Variants in CATSPERG observed in about 807,000 individuals in gnomAD.
CATSPERG encodes the protein catsper channel auxiliary subunit gamma, also known as cation channel sperm-associated auxiliary subunit gamma.
Under a neutral mutation model 145.0 loss-of-function variants are expected in CATSPERG, and 115 were observed. The observed-to-expected ratio is 0.79, with a 90% CI of 0.68 to 0.93. The LOEUF is 0.93. Ranked by LOEUF, CATSPERG falls within the 40% of genes least tolerant of loss-of-function variation. The pLI is 0.00. For synonymous variants in CATSPERG, 588 were observed against 589.0 expected (o/e 1.00, Z 0.02); for missense variants, 1,296 against 1,490.1 (o/e 0.87, Z 2.14).
Position 38,343,565 on chromosome 19 carries a change from C to A in CATSPERG, c.325-15C>A. On this transcript the variant is annotated splice_polypyrimidine_tract_variant and intron_variant, in intron 3 of 28. Coordinates refer to ENST00000409235, the MANE Select transcript of CATSPERG (RefSeq NM_021185.5). ...CTACCATAAGGACACACTTGTGGGG[C>A]CATCTCACCCTCAGCCCTCTGAGGA... The A allele has an allele frequency of 6.5e-7, 1 of 1,536,600 alleles. No individual in the cohort carries two copies. The highest frequency in any genetic ancestry group is 1.2e-5 in the South Asian group (1 of 82,220).
chr19:38,350,187 G>T (rs1339096056), intron 7 of CATSPERG, among the ~76,000 whole-genome samples: 1 of 152,156 alleles, frequency 6.6e-6, no homozygotes, highest in African/African-American at 2.4e-5. Context: ...AACTGCAAGG[G>T]ACACTGGGTG....
At chr19:38,360,148 AGAGT>A (rs1970318772) in intron 14 of CATSPERG, 1 of 985,246 alleles carries the variant, frequency 1.0e-6, no homozygotes, top group African/African-American at 1.7e-5. Flanking sequence ...GAAGCTGCAA[AGAGT>A]GAGAAGAAAA....
chr19:38,343,287 C>A (rs1322275996), intron 3 of CATSPERG, among the ~76,000 whole-genome samples: 1 of 152,106 alleles, frequency 6.6e-6, no homozygotes, highest in Non-Finnish European at 1.5e-5. Flanking sequence ...CCCATGCTGC[C>A]CTTCCCTATG....
intron 23 of CATSPERG, 87 bp from the exon 24 acceptor site, chr19:38,367,422 G>T: frequency 6.4e-7 from 1 of 1,554,168 alleles, no homozygotes; most frequent in Non-Finnish European, 8.8e-7. Context: ...TTTTTCCTGC[G>T]GCATCTCACT....
Position 38,365,048 on chromosome 19 carries a change from C to T in CATSPERG, c.2557-13C>T. On this transcript the variant is annotated splice_polypyrimidine_tract_variant and intron_variant, in intron 21 of 28. Coordinates refer to ENST00000409235, the MANE Select transcript of CATSPERG (RefSeq NM_021185.5). Reference sequence around the variant, plus strand: ...CGGCGGGGATCACCATCTTCACCTGCTCCTACCCACAGGTGGTGGGTTCAT... The same window carrying T: ...CGGCGGGGATCACCATCTTCACCTGTTCCTACCCACAGGTGGTGGGTTCAT... 1.2e-6 allele frequency: 2 copies of T among 1,614,098 alleles called. No individual in the cohort carries two copies. Among genetic ancestry groups the T allele is most frequent in the Non-Finnish European group, 1.7e-6 (2 of 1,180,012 alleles).
chr19:38,363,431 C>T (rs907175347), intron 20 of CATSPERG, among the ~76,000 whole-genome samples: 5 of 148,128 alleles, frequency 3.4e-5, no homozygotes, highest in Admixed American at 6.7e-5. Context: ...CATGCCTCGG[C>T]GTGAGGTGTG....
chr19:38,358,496 C>G lies in CATSPERG; in HGVS notation c.1431C>G (p.Pro477=), dbSNP rs777258433. 6.2e-7 allele frequency: 1 copy of G among 1,614,198 alleles called. No individual in the cohort carries two copies. Among genetic ancestry groups the G allele is most frequent in the Non-Finnish European group, 8.5e-7 (1 of 1,180,024 alleles). Residue 477 remains proline (P), a synonymous_variant, in exon 13 of 29, where the codon CCC becomes CCG. Transcript: ENST00000409235. ...TESYTSTAMA[P]KGIFCNPYNN... is the part of the protein sequence containing the mutation. The stretch of plus-strand genomic sequence containing the variant: ...CCTACACCAGCACTGCAATGGCCCC[C>G]AAGGGCATCTTCTGTAACCCGTACA...
Position 38,344,055 on chromosome 19 carries a change from G to C in CATSPERG, c.532G>C (p.Gly178Arg). The change falls in exon 5 of 29, where the codon GGC becomes CGC. Residue 178 changes from glycine (G) to arginine (R), a missense_variant. By Grantham distance (125) the Gly-to-Arg change is moderately radical. Coordinates refer to ENST00000409235, the MANE Select transcript of CATSPERG (RefSeq NM_021185.5). ...GTACACGCCCATGCCCATCAAGAAA[G>C]GCAGTGTGGTCATGCGTGTGGACAT... ...SWYTPMPIKK[G>R]SVVMRVDISS... The C allele has an allele frequency of 6.4e-7, 1 of 1,551,600 alleles. No homozygotes were observed. Among genetic ancestry groups the C allele is most frequent in the South Asian group, 1.2e-5 (1 of 84,042 alleles).
intron 23 of CATSPERG, 67 bp from the exon 24 acceptor site, chr19:38,367,442 C>G: frequency 6.3e-7 from 1 of 1,575,198 alleles, no homozygotes; most frequent in Non-Finnish European, 8.7e-7. Context: ...TTTCCCCCGT[C>G]TCGGTCCTCA....
intron 14 of CATSPERG, 118 bp from the exon 15 acceptor site, chr19:38,360,371 G>T (rs1970322887): frequency 6.6e-7 from 1 of 1,504,022 alleles, no homozygotes; most frequent in Non-Finnish European, 8.8e-7. Flanking sequence ...TCCCAGTGGA[G>T]GTGAGTTTCC....
In CATSPERG at chr19:38,370,228, C is replaced by T. The variant is rs373710337; in HGVS notation, c.3183C>T (p.Leu1061=). ...TGCTGCACATCCACGGGCTGCCACT[C>T]AGTCCCAAGCGGGCCCTTTTCATCA... ...TFLLHIHGLP[L]SPKRALFIIM... Residue 1061 remains leucine (L), a synonymous_variant, in exon 28 of 29, where the codon CTC becomes CTT. Coordinates refer to ENST00000409235, the MANE Select transcript of CATSPERG (RefSeq NM_021185.5). 2 of 1,613,576 alleles carry T rather than the reference C, an allele frequency of 1.2e-6. No individual in the cohort carries two copies. Among genetic ancestry groups the T allele is most frequent in the African/African-American group, 2.7e-5 (2 of 74,938 alleles).
intron 3 of CATSPERG, among the ~76,000 whole-genome samples, chr19:38,340,532 C>T (rs1336542285): frequency 1.3e-5 from 2 of 151,836 alleles, no homozygotes; most frequent in Non-Finnish European, 2.9e-5. Flanking sequence ...ATTGGTCAGG[C>T]TGGTCTTGAA....
chr19:38,361,290 G>A (rs11673203), intron 16 of CATSPERG, among the ~76,000 whole-genome samples: 1 of 151,980 alleles, frequency 6.6e-6, no homozygotes, highest in Non-Finnish European at 1.5e-5. Context: ...TGATGCCTCC[G>A]GTCATCGTCC....
intron 23 of CATSPERG, 97 bp from the exon 24 acceptor site, chr19:38,367,412 T>C: frequency 1.3e-6 from 2 of 1,548,942 alleles, no homozygotes; most frequent in South Asian, 1.2e-5. Context: ...CTACCCACCC[T>C]TTTTCCTGCG....
chr19:38,339,985 G>T (rs1213191547), intron 3 of CATSPERG, among the ~76,000 whole-genome samples: 3 of 152,000 alleles, frequency 2.0e-5, no homozygotes, highest in Non-Finnish European at 4.4e-5. Context: ...CTACTGAGTA[G>T]CAGGAATTAC....
intron 11 of CATSPERG, among the ~76,000 whole-genome samples, chr19:38,357,643 C>T (rs1411864818): frequency 6.6e-6 from 1 of 151,956 alleles, no homozygotes; most frequent in Admixed American, 6.6e-5. Flanking sequence ...ATAGCGAAAC[C>T]TCATCTCTAC....
intron 16 of CATSPERG, 41 bp downstream of exon 16, chr19:38,360,884 C>A: frequency 6.8e-7 from 1 of 1,473,472 alleles, no homozygotes; most frequent in East Asian, 2.4e-5. Flanking sequence ...TGAGGGCTCC[C>A]GGCACTGCCC....
chr19:38,362,553 T>C lies in CATSPERG; in HGVS notation c.2335T>C (p.Phe779Leu). Residue 779 changes from phenylalanine to leucine, a missense_variant, in exon 19 of 29, where the codon TTC becomes CTC. By Grantham distance (22) the Phe-to-Leu change is conservative. Transcript: ENST00000409235. ...AIFLSAQGHSFRTQSELGTAF... is the reference protein window; with the variant it reads ...AIFLSAQGHSLRTQSELGTAF... ...CTTCCTGTCGGCGCAGGGCCACTCG[T>C]TCCGGACGCAGTCAGAACTCGGTCT... is the stretch of plus-strand genomic sequence containing the variant. 2 of 1,613,906 alleles carry C rather than the reference T, an allele frequency of 1.2e-6. No individual in the cohort carries two copies. Among genetic ancestry groups the C allele is most frequent in the Non-Finnish European group, 1.7e-6 (2 of 1,180,012 alleles).
chr19:38,369,855 A>G, intron 26 of CATSPERG, 117 bp from the exon 27 acceptor site: 1 of 865,286 alleles, frequency 1.2e-6, no homozygotes, highest in African/African-American at 1.6e-5. Context: ...GAATGAGGGA[A>G]GGCATGAGAT....
Sources: allele counts gnomAD v4.1 joint callset (sites outside exome capture counted in the v4.1 genomes callset), GRCh38; gene constraint gnomAD v4.1.1; transcripts MANE v1.5; gene names NCBI Gene and HGNC (gene_info 2026-07-23, HGNC 2026-07-21).